MCC: variants seen among roughly 807,000 people sequenced by gnomAD.
The protein encoded by MCC is MCC regulator of Wnt signaling pathway, also known as colorectal mutant cancer protein.
MCC carries 90 observed loss-of-function variants against 116.2 expected under a neutral mutation model. The ratio of observed to expected loss-of-function variants is 0.77; its 90% CI spans 0.65 to 0.92. MCC has a LOEUF of 0.92. Among genes scored for constraint, MCC ranks in the 40% least tolerant of loss-of-function variants. The probability of loss-of-function intolerance (pLI) is 0.00; values close to 1 mark genes in which losing one functional copy is unlikely to be tolerated. For missense variants in MCC, 1,516 were observed against 1,312.2 expected, an observed-to-expected ratio of 1.16 and a Z score of -2.40; for synonymous variants, 578 against 510.5, an observed-to-expected ratio of 1.13 and a Z score of -1.78.
intron 3 of MCC, among the ~76,000 whole-genome samples, chr5:113,198,107 A>G (rs1162001896): frequency 2.0e-5 from 3 of 152,372 alleles, no homozygotes; most frequent in Non-Finnish European, 2.9e-5. Context: ...CATACTATGT[A>G]TAAGTCTAGC....
chr5:113,188,808 A>G (rs1204241304), intron 3 of MCC, among the ~76,000 whole-genome samples: 2 of 152,218 alleles, frequency 1.3e-5, no homozygotes, highest in African/African-American at 2.4e-5. Flanking sequence ...TCAGTGGCAG[A>G]GCCAGGAATT....
chr5:113,100,612 C>G lies in MCC; in HGVS notation c.1398+1127G>C, dbSNP rs936670412. Among the ~76,000 whole-genome samples, 3 of 152,010 alleles carry G rather than the reference C, an allele frequency of 2.0e-5. 1 individual carries two copies. Among genetic ancestry groups the G allele is most frequent in the Admixed American group, 1.3e-4 (2 of 15,240 alleles). The stretch of plus-strand genomic sequence containing the variant: ...TCAGCCTCTCAAGTAGCTGGGACTA[C>G]AGGCACACAGCACCATGTCTGGCTA... On this transcript the variant is annotated intron_variant, in intron 8 of 18. Transcript: ENST00000408903.
At position 113,044,409 on chromosome 5, in the gene MCC, C is replaced by G. The variant is rs980467917; in HGVS notation, c.2656-779G>C. 1.4e-5 allele frequency: 11 copies of G among 788,822 alleles called. No individual in the cohort carries two copies. In the African/African-American group the frequency reaches 1.9e-4, roughly 13 times the overall value. 48.9% of individuals were successfully genotyped at this position (788,822 alleles called of 1,614,324 possible). On this transcript the variant is annotated intron_variant, in intron 16 of 18. Transcript: ENST00000408903. ...TCAAAGCAGTGACCATGCCTGAGTG[C>G]TCTACATTCCATGCACAGAGAGGAC...
chr5:113,112,801 G>A (rs950342071), intron 6 of MCC, among the ~76,000 whole-genome samples: 1 of 152,184 alleles, frequency 6.6e-6, no homozygotes, highest in African/African-American at 2.4e-5. Context: ...AGATTAACAT[G>A]TAAAATAAAT....
rs1298756364 is a variant in MCC, at chr5:113,365,798, GGA to G, written c.415+19168_415+19169del. Among the ~76,000 whole-genome samples the G allele has an allele frequency of 5.3e-5, 8 of 152,178 alleles. No individual in the cohort carries two copies. The South Asian group carries it at 8.3e-4, about 16-fold the overall frequency. On this transcript the variant is annotated intron_variant, in intron 2 of 18. Coordinates refer to ENST00000408903, the MANE Select transcript of MCC (RefSeq NM_001085377.2). ...TAGAATCATGGCAGAAGGCAAAGGA[GGA>G]GCCAGCACTTCATATCCAGAAGGAA...
intron 2 of MCC, among the ~76,000 whole-genome samples, chr5:113,354,696 A>C (rs1768366360): frequency 6.6e-6 from 1 of 151,606 alleles, no homozygotes; most frequent in South Asian, 2.1e-4. Context: ...CGGCCTCCCA[A>C]ATGCTGGGAT....
chr5:113,455,677 T>A (rs1771522696), intron 1 of MCC, among the ~76,000 whole-genome samples: 1 of 152,198 alleles, frequency 6.6e-6, no homozygotes, highest in Non-Finnish European at 1.5e-5. Context: ...CCCAGAGGAA[T>A]TTGGGGCCAT....
intron 1 of MCC, among the ~76,000 whole-genome samples, chr5:113,394,724 A>G (rs1381272116): frequency 6.6e-6 from 1 of 152,196 alleles, no homozygotes; most frequent in Admixed American, 6.5e-5. Context: ...GTCTAATTTG[A>G]TAGCTCTTCA....
intron 3 of MCC, among the ~76,000 whole-genome samples, chr5:113,250,679 T>C (rs1192511168): frequency 6.6e-6 from 1 of 152,160 alleles, no homozygotes; most frequent in African/African-American, 2.4e-5. Flanking sequence ...GTGTAAGTGG[T>C]GTGGGGAATT....
At chr5:113,401,022 G>C (rs1461864490) in intron 1 of MCC, among the ~76,000 whole-genome samples, 1 of 152,198 alleles carries the variant, frequency 6.6e-6, no homozygotes, top group African/African-American at 2.4e-5. Context: ...GATATAGAAA[G>C]AGGGAATACT....
chr5:113,101,675 A>G, intron 8 of MCC, 64 bp downstream of exon 8: 2 of 1,543,364 alleles, frequency 1.3e-6, no homozygotes, highest in East Asian at 2.2e-5. Flanking sequence ...CTGGTGCTAT[A>G]CACCAGCCTC....
intron 3 of MCC, among the ~76,000 whole-genome samples, chr5:113,336,192 TCACCTCTTAATTGTCC>T (rs1331036156): frequency 6.6e-6 from 1 of 151,578 alleles, no homozygotes; most frequent in Non-Finnish European, 1.5e-5. Flanking sequence ...CATGGCCTAA[TCACCTCTTAATTGTCC>T]CACCTCTTAA....
chr5:113,350,321 G>A (rs965933293), intron 2 of MCC, among the ~76,000 whole-genome samples: 3 of 151,984 alleles, frequency 2.0e-5, no homozygotes, highest in African/African-American at 7.2e-5. Context: ...TAGCCAAATG[G>A]CATGCTACTG....
At chr5:113,390,974 T>C (rs890497448) in intron 1 of MCC, among the ~76,000 whole-genome samples, 2 of 150,720 alleles carry the variant, frequency 1.3e-5, no homozygotes, top group Non-Finnish European at 2.9e-5. Context: ...ATATTGAAAG[T>C]ATGAAAATTA....
At chr5:113,053,697 T>A in intron 15 of MCC, 28 bp downstream of exon 15, 1 of 1,543,482 alleles carries the variant, frequency 6.5e-7, no homozygotes, top group Non-Finnish European at 8.9e-7. Flanking sequence ...GGTGGCAGCC[T>A]AGCACATGGG....
intron 1 of MCC, among the ~76,000 whole-genome samples, chr5:113,456,122 G>C (rs1771539098): frequency 6.6e-6 from 1 of 152,102 alleles, no homozygotes; most frequent in Admixed American, 6.6e-5. Context: ...ACCTTACTTA[G>C]AGATATGAGC....
At chr5:113,401,461 A>C (rs1769684232) in intron 1 of MCC, among the ~76,000 whole-genome samples, 1 of 152,120 alleles carries the variant, frequency 6.6e-6, no homozygotes, top group Non-Finnish European at 1.5e-5. Context: ...TGGCTCTTTA[A>C]ATTGAAGTGG....
At chr5:113,074,676 T>G (rs531514628) in intron 11 of MCC, among the ~76,000 whole-genome samples, 8 of 152,186 alleles carry the variant, frequency 5.3e-5, no homozygotes, top group African/African-American at 1.9e-4. Flanking sequence ...GAATAAACAG[T>G]GTAGACAAGT....
intron 3 of MCC, among the ~76,000 whole-genome samples, chr5:113,192,034 A>G (rs1001440031): frequency 6.6e-6 from 1 of 152,202 alleles, no homozygotes; most frequent in Non-Finnish European, 1.5e-5. Flanking sequence ...TCATTTGTCA[A>G]ATATGACCAT....
Sources: gnomAD v4.1 joint callset for allele counts (sites outside exome capture counted in the v4.1 genomes callset) on GRCh38, gnomAD v4.1.1 for gene constraint, MANE v1.5 for transcripts, NCBI Gene and HGNC (gene_info 2026-07-23, HGNC 2026-07-21) for gene names.